TENM3: variants seen among roughly 807,000 people sequenced by gnomAD.
TENM3 encodes teneurin transmembrane protein 3.
TENM3 carries 63 observed loss-of-function variants against 255.1 expected under a neutral mutation model. The observed-to-expected ratio is 0.25, with a 90% CI of 0.20 to 0.30. The LOEUF (loss-of-function observed/expected upper bound fraction) is 0.30, where lower values mean the gene tolerates loss of function less well. Among genes scored for constraint, TENM3 ranks in the 10% least tolerant of loss-of-function variants. The pLI is 1.00. For synonymous variants in TENM3, 1,306 were observed against 1,322.3 expected, an observed-to-expected ratio of 0.99 and a Z score of 0.27; for missense variants, 2,929 against 3,461.1, an observed-to-expected ratio of 0.85 and a Z score of 3.86.
the TENM3 span, among the ~76,000 whole-genome samples, chr4:181,482,770 G>A: frequency 2.6e-5 from 4 of 151,900 alleles, no homozygotes; most frequent in South Asian, 2.1e-4. Flanking sequence ...CCGACCTTTC[G>A]TTTTATATGT....
chr4:181,682,094 A>C, the TENM3 span, among the ~76,000 whole-genome samples: 1 of 152,186 alleles, frequency 6.6e-6, no homozygotes, highest in Non-Finnish European at 1.5e-5. Flanking sequence ...CAGACACTTA[A>C]ATATGACTTG....
intron 3 of TENM3, among the ~76,000 whole-genome samples, chr4:182,399,213 T>C (rs533169513): frequency 6.6e-6 from 1 of 152,322 alleles, no homozygotes; most frequent in Non-Finnish European, 1.5e-5. Flanking sequence ...CTATGAGTTA[T>C]AAAGGTAAAT....
chr4:181,647,298 C>T, the TENM3 span, among the ~76,000 whole-genome samples: 4 of 152,200 alleles, frequency 2.6e-5, no homozygotes, highest in Non-Finnish European at 5.9e-5. Flanking sequence ...TTTAACAGTG[C>T]TGTCTCCATG....
At chr4:181,493,377 G>A in the TENM3 span, among the ~76,000 whole-genome samples, 6 of 151,356 alleles carry the variant, frequency 4.0e-5, no homozygotes, top group East Asian at 1.2e-3. Context: ...AAAAATGATA[G>A]AATTAATTTT....
At chr4:181,950,577 G>A in the TENM3 span, among the ~76,000 whole-genome samples, 1 of 152,276 alleles carries the variant, frequency 6.6e-6, no homozygotes, top group East Asian at 1.9e-4. Flanking sequence ...GGTCCCTGCT[G>A]TTGGCCCAGC....
At chr4:181,896,036 T>A in the TENM3 span, among the ~76,000 whole-genome samples, 1 of 152,276 alleles carries the variant, frequency 6.6e-6, no homozygotes, top group South Asian at 2.1e-4. Flanking sequence ...CTACTGTTAT[T>A]CCTACTGTGT....
chr4:182,261,919 T>C (rs1220149836), intron 1 of TENM3, among the ~76,000 whole-genome samples: 1 of 152,162 alleles, frequency 6.6e-6, no homozygotes, highest in Non-Finnish European at 1.5e-5. Flanking sequence ...GAGTAAAGGC[T>C]CATTTGAAAA....
upstream of TENM3, among the ~76,000 whole-genome samples, chr4:182,239,793 A>G (rs1238891614): frequency 1.0e-5 from 1 of 96,838 alleles, no homozygotes; most frequent in African/African-American, 8.0e-5. Context: ...AAATAATCGC[A>G]AAAAAAGCTT....
chr4:181,654,342 G>C, the TENM3 span, among the ~76,000 whole-genome samples: 1 of 151,894 alleles, frequency 6.6e-6, no homozygotes, highest in East Asian at 1.9e-4. Context: ...ACAGAGTTTT[G>C]AGACATTCGA....
chr4:181,509,909 A>G, the TENM3 span, among the ~76,000 whole-genome samples: 1 of 152,260 alleles, frequency 6.6e-6, no homozygotes, highest in African/African-American at 2.4e-5. Flanking sequence ...AGTGGAGTAG[A>G]GCATCAGAGT....
rs142121012 is a variant in TENM3, at chr4:182,478,632, A to G, written c.512-122292A>G. 2.9e-4 allele frequency among the ~76,000 whole-genome samples: 44 copies of G among 152,128 alleles called. No individual in the cohort carries two copies. The East Asian group carries it at 8.1e-3, about 28-fold the overall frequency. Reference sequence around the variant, plus strand: ...GGGCAGTAAAAAAATTTATATGTTAATAAATATACCATTGTAGCATTTTTT... The same window carrying G: ...GGGCAGTAAAAAAATTTATATGTTAGTAAATATACCATTGTAGCATTTTTT... On this transcript the variant is annotated intron_variant, in intron 3 of 27. Coordinates refer to ENST00000511685, the MANE Select transcript of TENM3 (RefSeq NM_001080477.4).
At chr4:181,843,364 A>G in the TENM3 span, among the ~76,000 whole-genome samples, 1 of 152,184 alleles carries the variant, frequency 6.6e-6, no homozygotes, top group Non-Finnish European at 1.5e-5. Flanking sequence ...GCTGCTTGTA[A>G]TATGTTCAAT....
the TENM3 span, among the ~76,000 whole-genome samples, chr4:181,714,919 A>T: frequency 3.3e-5 from 5 of 152,210 alleles, no homozygotes; most frequent in Admixed American, 2.6e-4. Flanking sequence ...ATAAATTTTC[A>T]TTTCTATTGA....
At chr4:181,722,455 C>A in the TENM3 span, among the ~76,000 whole-genome samples, 5 of 152,090 alleles carry the variant, frequency 3.3e-5, no homozygotes, top group African/African-American at 1.2e-4. Flanking sequence ...GAATTAGAGA[C>A]ATTGACTATA....
At chr4:181,644,470 C>A in the TENM3 span, among the ~76,000 whole-genome samples, 2 of 151,978 alleles carry the variant, frequency 1.3e-5, no homozygotes, top group East Asian at 3.9e-4. Flanking sequence ...TTCACATGAG[C>A]CTCCTAAAGA....
rs1432298794 is a variant in TENM3 at position 182,730,183 on chromosome 4, T to C, written c.2586-17T>C. The C allele has an allele frequency of 6.2e-7, 1 of 1,613,436 alleles. No individual in the cohort carries two copies. Among genetic ancestry groups the C allele is most frequent in the Non-Finnish European group, 8.5e-7 (1 of 1,179,666 alleles). On this transcript the variant is annotated splice_polypyrimidine_tract_variant and intron_variant, in intron 14 of 27. Transcript: ENST00000511685. The stretch of plus-strand genomic sequence containing the variant: ...AAAAGACAGATGTTCATTCTCATTC[T>C]TCTGCTTTTCCAACAGCCTTGCATC...
At chr4:182,008,912 AC>A in the TENM3 span, among the ~76,000 whole-genome samples, 1 of 151,082 alleles carries the variant, frequency 6.6e-6, no homozygotes, top group Non-Finnish European at 1.5e-5. Flanking sequence ...TTTTGTGGGG[AC>A]TTTTTGTTTT....
At chr4:181,686,332 G>A in the TENM3 span, among the ~76,000 whole-genome samples, 2 of 152,188 alleles carry the variant, frequency 1.3e-5, no homozygotes, top group African/African-American at 4.8e-5. Flanking sequence ...GAATACTTTC[G>A]AAATCTTCTT....
chr4:182,168,692 A>G (rs1751884686), intron 1 of TENM3, among the ~76,000 whole-genome samples: 1 of 152,226 alleles, frequency 6.6e-6, no homozygotes, highest in South Asian at 2.1e-4. Context: ...ATTATACTGT[A>G]TATAAAAGTT....
Sources: allele counts gnomAD v4.1 joint callset (sites outside exome capture counted in the v4.1 genomes callset), GRCh38; gene constraint gnomAD v4.1.1; transcripts MANE v1.5; gene names NCBI Gene and HGNC (gene_info 2026-07-23, HGNC 2026-07-21).